VSNL1: variants seen among roughly 807,000 people sequenced by gnomAD.
VSNL1 encodes the protein visinin-like protein 1.
A neutral mutation model predicts 20.4 loss-of-function variants in VSNL1; 6 were observed. The ratio of observed to expected loss-of-function variants is 0.29; its 90% CI spans 0.16 to 0.58. The LOEUF (loss-of-function observed/expected upper bound fraction) is 0.58, where lower values mean the gene tolerates loss of function less well. VSNL1 is among the 20% of genes least tolerant of loss of function. The probability of loss-of-function intolerance (pLI) is 0.90; values close to 1 mark genes in which losing one functional copy is unlikely to be tolerated. For synonymous variants in VSNL1, 93 were observed against 86.4 expected (o/e 1.08, Z -0.42); for missense variants, 100 against 234.5 (o/e 0.43, Z 3.75).
At chr2:17,566,344 TACCA>T in intron 1 of VSNL1, among the ~76,000 whole-genome samples, 1 of 152,204 alleles carries the variant, frequency 6.6e-6, no homozygotes, top group African/African-American at 2.4e-5. Context: ...ACAGAAAATA[TACCA>T]ATTTATATTC....
At chr2:17,593,274 A>G (rs947403155) in intron 2 of VSNL1, among the ~76,000 whole-genome samples, 2 of 152,316 alleles carry the variant, frequency 1.3e-5, no homozygotes, top group East Asian at 3.9e-4. Context: ...ACTGGGAAAC[A>G]ACCCAAGTGC....
At chr2:17,619,830 C>T (rs187796024) in intron 2 of VSNL1, among the ~76,000 whole-genome samples, 4 of 151,540 alleles carry the variant, frequency 2.6e-5, no homozygotes, top group African/African-American at 7.3e-5. Flanking sequence ...TACTAGACAC[C>T]GGGGATTCAA....
In VSNL1 at chr2:17,630,193, G is replaced by T. The variant is rs144542142; in HGVS notation, c.163-19217G>T. Among the ~76,000 whole-genome samples, 100 of 152,340 alleles carry T rather than the reference G, an allele frequency of 6.6e-4. 2 individuals are homozygous for T. Among genetic ancestry groups the T allele is most frequent in the African/African-American group, 2.2e-3 (93 of 41,580 alleles). On this transcript the variant is annotated intron_variant, in intron 2 of 3. Transcript: ENST00000295156. Reference sequence around the variant, plus strand: ...CTTTGCCTTGTCTTCTAGTAATTAAGTATGTACCTTGGAGGTAGGGTTTCA... The same window carrying T: ...CTTTGCCTTGTCTTCTAGTAATTAATTATGTACCTTGGAGGTAGGGTTTCA...
chr2:17,647,611 T>TG (rs1238970544), intron 2 of VSNL1, among the ~76,000 whole-genome samples: 1 of 152,072 alleles, frequency 6.6e-6, no homozygotes, highest in Non-Finnish European at 1.5e-5. Flanking sequence ...TAAGTAGCAT[T>TG]GGGGGGTGAG....
intron 1 of VSNL1, among the ~76,000 whole-genome samples, chr2:17,572,650 G>A (rs1474044506): frequency 6.6e-6 from 1 of 152,202 alleles, no homozygotes; most frequent in Non-Finnish European, 1.5e-5. Context: ...CTTGATTGGA[G>A]TCATACAGGT....
intron 2 of VSNL1, among the ~76,000 whole-genome samples, chr2:17,643,058 G>A (rs537000727): frequency 7.9e-5 from 12 of 152,038 alleles, no homozygotes; most frequent in Non-Finnish European, 1.6e-4. Flanking sequence ...GCCTACATGT[G>A]GAAGGAGCTC....
intron 1 of VSNL1, among the ~76,000 whole-genome samples, chr2:17,549,686 A>C (rs576096350): frequency 2.4e-4 from 37 of 152,304 alleles, no homozygotes; most frequent in African/African-American, 8.7e-4. Flanking sequence ...ATGCTTACTA[A>C]ATCCCACTCT....
chr2:17,648,582 G>A (rs1439900992), intron 2 of VSNL1, among the ~76,000 whole-genome samples: 2 of 152,186 alleles, frequency 1.3e-5, no homozygotes, highest in African/African-American at 4.8e-5. Context: ...GTTTGTTTTT[G>A]GTTGTATTTG....
chr2:17,622,544 G>GA (rs1310834998), intron 2 of VSNL1, among the ~76,000 whole-genome samples: 794 of 57,858 alleles, frequency 0.014, 3 homozygotes, highest in African/African-American at 0.033. Context: ...AAGAAAGAAA[G>GA]AAAGAAAGAA....
intron 2 of VSNL1, among the ~76,000 whole-genome samples, chr2:17,648,902 C>A (rs987203621): frequency 2.0e-5 from 3 of 152,218 alleles, no homozygotes; most frequent in South Asian, 4.1e-4. Flanking sequence ...GAAACTGGAA[C>A]CTCACCCAGG....
At chr2:17,621,837 G>A (rs1362649441) in intron 2 of VSNL1, among the ~76,000 whole-genome samples, 2 of 152,018 alleles carry the variant, frequency 1.3e-5, no homozygotes, top group Non-Finnish European at 2.9e-5. Context: ...ACAGGGTCTT[G>A]CTATGTTGAC....
At chr2:17,570,834 C>T (rs1664063029) in intron 1 of VSNL1, among the ~76,000 whole-genome samples, 1 of 152,066 alleles carries the variant, frequency 6.6e-6, no homozygotes, top group African/African-American at 2.4e-5. Flanking sequence ...ATCATGAGGT[C>T]AGGAGTTCGA....
intron 2 of VSNL1, among the ~76,000 whole-genome samples, chr2:17,599,999 T>G (rs969543925): frequency 6.6e-6 from 1 of 152,210 alleles, no homozygotes; most frequent in African/African-American, 2.4e-5. Context: ...AATCATTTCT[T>G]GACCTCTCCA....
At position 17,540,903 on chromosome 2, in the gene VSNL1, G is replaced by C. The variant is rs1247114201; in HGVS notation, c.-21G>C. 1.3e-5 allele frequency: 2 copies of C among 152,338 alleles called. No individual in the cohort carries two copies. Among genetic ancestry groups the C allele is most frequent in the Non-Finnish European group, 2.9e-5 (2 of 68,044 alleles). 9.4% of individuals were successfully genotyped at this position (152,338 alleles called of 1,614,324 possible). A position where few individuals can be genotyped will look rare whatever the true frequency, so the allele number is the denominator to read the frequency against. ...TTTATCATTTTCGTTAAGTGACCGT[G>C]CGCAGCGCTGTAACTGTAAGTGGAA... On this transcript the variant is annotated 5_prime_UTR_variant, in exon 1 of 4. Coordinates refer to ENST00000295156, the MANE Select transcript of VSNL1 (RefSeq NM_003385.5).
intron 2 of VSNL1, among the ~76,000 whole-genome samples, chr2:17,644,936 G>C (rs1031612833): frequency 3.9e-5 from 6 of 152,218 alleles, no homozygotes; most frequent in Non-Finnish European, 7.3e-5. Context: ...AGGCAAAATA[G>C]GCCTTTGAAA....
chr2:17,592,108 G>T lies in VSNL1; in HGVS notation c.34G>T (p.Val12Leu). ...GCAGAATAGCAAACTGGCCCCTGAA[G>T]TGATGGAGGACCTGGTGAAGAGCAC... ...GKQNSKLAPE[V>L]MEDLVKSTEF... The change falls in exon 2 of 4, where the codon GTG (valine) becomes TTG (leucine). Residue 12 changes from valine (V) to leucine (L), a missense_variant. Val to Leu is a conservative substitution (Grantham distance 32). Transcript: ENST00000295156. The T allele has an allele frequency of 6.2e-7, 1 of 1,613,902 alleles. No individual in the cohort carries two copies. The highest frequency in any genetic ancestry group is 8.5e-7 in the Non-Finnish European group (1 of 1,179,828).
intron 2 of VSNL1, among the ~76,000 whole-genome samples, chr2:17,621,847 C>T (rs1382103222): frequency 6.6e-6 from 1 of 151,950 alleles, no homozygotes; most frequent in East Asian, 1.9e-4. Flanking sequence ...GCTATGTTGA[C>T]CAAGCTGGTA....
intron 2 of VSNL1, among the ~76,000 whole-genome samples, chr2:17,636,269 C>T (rs1395213891): frequency 1.3e-5 from 2 of 151,940 alleles, no homozygotes; most frequent in Non-Finnish European, 2.9e-5. Context: ...CAGAAGGCCT[C>T]ATCTCTCTGG....
intron 1 of VSNL1, among the ~76,000 whole-genome samples, chr2:17,577,352 G>C (rs892723739): frequency 1.3e-5 from 2 of 152,112 alleles, no homozygotes; most frequent in Non-Finnish European, 2.9e-5. Context: ...ATGGCATATG[G>C]TATGGTTCTT....
Sources: gnomAD v4.1 joint callset for allele counts (sites outside exome capture counted in the v4.1 genomes callset) on GRCh38, gnomAD v4.1.1 for gene constraint, MANE v1.5 for transcripts, NCBI Gene and HGNC (gene_info 2026-07-23, HGNC 2026-07-21) for gene names.